The following RORA variants were observed in gnomAD, a reference collection of about 807,000 sequenced individuals.
RORA encodes the protein RAR related orphan receptor A, also known as nuclear receptor ROR-alpha.
A neutral mutation model predicts 69.5 loss-of-function variants in RORA; 7 were observed. The ratio of observed to expected loss-of-function variants is 0.10; its 90% CI spans 0.06 to 0.19. The LOEUF is 0.19. Ranked by LOEUF, RORA falls within the 10% of genes least tolerant of loss-of-function variation. The pLI is 1.00. For synonymous variants in RORA, 261 were observed against 240.8 expected (o/e 1.08, Z -0.78); for missense variants, 457 against 663.0 (o/e 0.69, Z 3.41).
chr15:60,736,044 T>G (rs1469633628), intron 1 of RORA, among the ~76,000 whole-genome samples: 1 of 152,138 alleles, frequency 6.6e-6, no homozygotes, highest in Non-Finnish European at 1.5e-5. Context: ...CTTTAAGGCG[T>G]CATCTAGGGA....
intron 1 of RORA, among the ~76,000 whole-genome samples, chr15:61,092,628 T>G (rs1415479718): frequency 6.6e-6 from 1 of 152,214 alleles, no homozygotes; most frequent in Non-Finnish European, 1.5e-5. Flanking sequence ...GGGTGTGCCT[T>G]CCATGAGATT....
At position 61,061,965 on chromosome 15, in the gene RORA, A is replaced by T. The variant is rs892440879; in HGVS notation, c.166+167088T>A. On this transcript the variant is annotated intron_variant, in intron 1 of 10. Coordinates refer to ENST00000335670, the MANE Select transcript of RORA (RefSeq NM_134261.3). The surrounding 1 kb of genome is among the most constrained non-coding windows in gnomAD (Gnocchi z 4.4). ...GTAATGCCAGCTACTTGGGAGGCTGAGGCAGGAGAATCCCTTGAACCTAGG... is the reference window on the plus strand; with the variant it reads ...GTAATGCCAGCTACTTGGGAGGCTGTGGCAGGAGAATCCCTTGAACCTAGG... Among the ~76,000 whole-genome samples, 14 of 152,338 alleles carry T rather than the reference A, an allele frequency of 9.2e-5. No homozygotes were observed. The highest frequency in any genetic ancestry group is 2.1e-4 in the South Asian group (1 of 4,822).
At chr15:60,779,959 T>C (rs1262396131) in intron 1 of RORA, among the ~76,000 whole-genome samples, 1 of 152,190 alleles carries the variant, frequency 6.6e-6, no homozygotes, top group Non-Finnish European at 1.5e-5. Flanking sequence ...TTTGGATATG[T>C]GTTTTCCAAA....
At chr15:60,785,419 C>A (rs1351070216) in intron 1 of RORA, among the ~76,000 whole-genome samples, 2 of 152,156 alleles carry the variant, frequency 1.3e-5, no homozygotes, top group Non-Finnish European at 2.9e-5. Context: ...GAGAAGGGAT[C>A]TCAATTTTAA....
intron 1 of RORA, among the ~76,000 whole-genome samples, chr15:61,214,813 C>T (rs1030136885): frequency 1.3e-5 from 2 of 150,994 alleles, no homozygotes; most frequent in South Asian, 2.1e-4. Flanking sequence ...CTCTTGTGGG[C>T]GAAGGGATAA....
chr15:61,146,459 T>TACACAC (rs5813074), intron 1 of RORA, among the ~76,000 whole-genome samples: 2 of 149,630 alleles, frequency 1.3e-5, no homozygotes, highest in African/African-American at 4.9e-5. Flanking sequence ...CACATACACA[T>TACACAC]ACACACACAC....
At chr15:61,106,087 A>G (rs1410698793) in intron 1 of RORA, among the ~76,000 whole-genome samples, 3 of 152,206 alleles carry the variant, frequency 2.0e-5, no homozygotes, top group Non-Finnish European at 4.4e-5. Flanking sequence ...AAAGCAATCT[A>G]TGGTCACAAT....
At chr15:61,187,411 G>C (rs184723971) in intron 1 of RORA, among the ~76,000 whole-genome samples, 6 of 152,160 alleles carry the variant, frequency 3.9e-5, no homozygotes, top group Non-Finnish European at 7.4e-5. Context: ...GGTAGCTCTC[G>C]AGAGGAAAAT....
chr15:60,744,788 G>A (rs1291380164), intron 1 of RORA, among the ~76,000 whole-genome samples: 2 of 152,156 alleles, frequency 1.3e-5, no homozygotes, highest in East Asian at 3.9e-4. Context: ...TTCTGCCCAG[G>A]GCCATTAACA....
intron 2 of RORA, among the ~76,000 whole-genome samples, chr15:60,652,307 G>A (rs563264545): frequency 6.6e-6 from 1 of 152,078 alleles, no homozygotes; most frequent in African/African-American, 2.4e-5. Context: ...CATAAGAAAG[G>A]CATAAGTAGG....
chr15:60,922,994 T>C (rs535437226), intron 1 of RORA, among the ~76,000 whole-genome samples: 1 of 152,314 alleles, frequency 6.6e-6, no homozygotes, highest in East Asian at 1.9e-4. Context: ...ACTGTGTGTA[T>C]GAAAGAAGCA....
chr15:60,822,524 G>A (rs1361214708), intron 1 of RORA, among the ~76,000 whole-genome samples: 1 of 152,208 alleles, frequency 6.6e-6, no homozygotes, highest in Non-Finnish European at 1.5e-5. Flanking sequence ...TCATATGACA[G>A]GTGGGTAGAG....
intron 1 of RORA, among the ~76,000 whole-genome samples, chr15:60,954,529 T>C (rs1483834210): frequency 6.6e-6 from 1 of 152,096 alleles, no homozygotes; most frequent in Non-Finnish European, 1.5e-5. Context: ...TATGGAGGTC[T>C]GTCTTATGGA....
At chr15:61,066,892 A>C (rs1595940281) in intron 1 of RORA, among the ~76,000 whole-genome samples, 1 of 149,812 alleles carries the variant, frequency 6.7e-6, no homozygotes, top group East Asian at 1.9e-4. Context: ...AAAAAAAAAA[A>C]AAAAAAAAAA....
chr15:60,639,486 G>A (rs900149313), intron 2 of RORA, among the ~76,000 whole-genome samples: 1 of 152,034 alleles, frequency 6.6e-6, no homozygotes, highest in Non-Finnish European at 1.5e-5. Context: ...TCCACGTCCC[G>A]GCTTCCAGTG....
intron 1 of RORA, among the ~76,000 whole-genome samples, chr15:60,775,898 G>A (rs2072159052): frequency 6.6e-6 from 1 of 152,142 alleles, no homozygotes; most frequent in African/African-American, 2.4e-5. Context: ...AATGCGGCAG[G>A]GGAAAAACAT....
chr15:61,036,072 A>C (rs967956003), intron 1 of RORA, among the ~76,000 whole-genome samples: 1 of 152,172 alleles, frequency 6.6e-6, no homozygotes, highest in Admixed American at 6.5e-5. Flanking sequence ...AAGTTACCGA[A>C]AGATAACTAG....
intron 3 of RORA, among the ~76,000 whole-genome samples, chr15:60,520,465 G>A (rs2066127541): frequency 6.6e-6 from 1 of 152,144 alleles, no homozygotes; most frequent in South Asian, 2.1e-4. Context: ...AAGATACTAA[G>A]AGTTAAATAA....
intron 1 of RORA, among the ~76,000 whole-genome samples, chr15:61,204,518 C>A (rs1387237941): frequency 6.6e-6 from 1 of 152,128 alleles, no homozygotes; most frequent in Non-Finnish European, 1.5e-5. Flanking sequence ...AGGGGAAGGA[C>A]AGATGAAAGA....
Sources: gnomAD v4.1 joint callset for allele counts (sites outside exome capture counted in the v4.1 genomes callset) on GRCh38, gnomAD v4.1.1 for gene constraint, Gnocchi (gnomAD v3.1) non-coding constraint, MANE v1.5 for transcripts, NCBI Gene and HGNC (gene_info 2026-07-23, HGNC 2026-07-21) for gene names.